Variants in ZNF423 observed in about 807,000 individuals in gnomAD.
ZNF423 encodes the protein zinc finger protein 423.
A neutral mutation model predicts 95.8 loss-of-function variants in ZNF423; 12 were observed. That is an observed-to-expected ratio of 0.13 (90% confidence interval 0.08 to 0.20). The LOEUF (loss-of-function observed/expected upper bound fraction) is 0.20. Among genes scored for constraint, ZNF423 ranks in the 10% least tolerant of loss-of-function variants. The pLI is 1.00. For synonymous variants in ZNF423, 749 were observed against 711.9 expected, an observed-to-expected ratio of 1.05 and a Z score of -0.83; for missense variants, 1,316 against 1,737.1, an observed-to-expected ratio of 0.76 and a Z score of 4.31.
At chr16:49,808,613 G>A (rs1039031649) in intron 1 of ZNF423, among the ~76,000 whole-genome samples, 2 of 152,138 alleles carry the variant, frequency 1.3e-5, no homozygotes, top group African/African-American at 2.4e-5. Context: ...CTGGAGTTCA[G>A]CAAGGGCTGA....
intron 5 of ZNF423, among the ~76,000 whole-genome samples, chr16:49,609,164 A>T (rs1971636046): frequency 6.6e-6 from 1 of 152,130 alleles, no homozygotes; most frequent in African/African-American, 2.4e-5. Context: ...CCTAGGGAGG[A>T]AACGAGCCTG....
chr16:49,566,418 C>T (rs557987468), intron 5 of ZNF423, among the ~76,000 whole-genome samples: 2 of 152,320 alleles, frequency 1.3e-5, no homozygotes, highest in Admixed American at 1.3e-4. Context: ...CCTAGACTCT[C>T]ACCCCACCTG....
At chr16:49,730,592 C>A in intron 3 of ZNF423, 179 bp downstream of exon 3, 1 of 689,510 alleles carries the variant, frequency 1.5e-6, no homozygotes, top group South Asian at 1.9e-5. Context: ...AAAGCTGTTG[C>A]TTTTATTTTT....
chr16:49,541,442 G>A (rs1334031447), intron 5 of ZNF423, among the ~76,000 whole-genome samples: 1 of 152,222 alleles, frequency 6.6e-6, no homozygotes, highest in Non-Finnish European at 1.5e-5. Context: ...AGAAAAGTGA[G>A]GGAAAGAAGG....
chr16:49,676,070 C>T (rs953195193), intron 3 of ZNF423, among the ~76,000 whole-genome samples: 3 of 152,186 alleles, frequency 2.0e-5, no homozygotes, highest in Non-Finnish European at 2.9e-5. Flanking sequence ...AGAACATCAG[C>T]CATGGTTAGT....
chr16:49,638,398 C>T lies in ZNF423; in HGVS notation c.778G>A (p.Ala260Thr), dbSNP rs147749408. 3.1e-6 allele frequency: 5 copies of T among 1,613,840 alleles called. No homozygotes were observed. Among genetic ancestry groups the T allele is most frequent in the Non-Finnish European group, 4.2e-6 (5 of 1,180,048 alleles). Reference protein sequence around the residue: ...QAHKKNKEHLAKSEKEAKKDD... With the variant: ...QAHKKNKEHLTKSEKEAKKDD... ...TTCTTGGCTTCCTTCTCCGACTTGG[C>T]CAGATGCTCCTTGTTCTTTTTGTGG... Residue 260 changes from alanine (A) to threonine (T), a missense_variant, in exon 4 of 8, where the codon GCC (alanine) becomes ACC (threonine). Physicochemically the swap from Ala to Thr is moderately conservative, Grantham distance 58. Coordinates refer to ENST00000563137, the MANE Select transcript of ZNF423 (RefSeq NM_001379286.1). This position sits in a 1 kb window ranked among gnomAD's most constrained non-coding sequence, Gnocchi z 5.6.
At chr16:49,558,650 C>CCA (rs1426654144) in intron 5 of ZNF423, among the ~76,000 whole-genome samples, 3 of 152,070 alleles carry the variant, frequency 2.0e-5, no homozygotes, top group Non-Finnish European at 2.9e-5. Flanking sequence ...CCACACACAC[C>CCA]CACACACACG....
intron 3 of ZNF423, among the ~76,000 whole-genome samples, 199 bp from the exon 4 acceptor site, chr16:49,639,073 G>A (rs371956058): frequency 6.6e-6 from 1 of 152,330 alleles, no homozygotes; most frequent in Non-Finnish European, 1.5e-5. Context: ...CCAGAGGGGC[G>A]GCAGATAATG....
chr16:49,798,480 T>G (rs1368722602), intron 1 of ZNF423, among the ~76,000 whole-genome samples: 1 of 148,468 alleles, frequency 6.7e-6, no homozygotes, highest in Non-Finnish European at 1.5e-5. Flanking sequence ...TGCACTCCAG[T>G]CTGGGTGACA....
In ZNF423 at chr16:49,504,902, A is replaced by G. The variant is rs1459079588; in HGVS notation, c.3850-13598T>C. On this transcript the variant is annotated intron_variant, in intron 7 of 7. Coordinates refer to ENST00000563137, the MANE Select transcript of ZNF423 (RefSeq NM_001379286.1). ...AACTGGGAGCTCTTTCCCCTATGGA[A>G]AGGCCTCACCTGCAGTCATAGGCCA... Among the ~76,000 whole-genome samples the G allele has an allele frequency of 4.6e-5, 7 of 152,188 alleles. No homozygotes were observed. In the East Asian group the frequency reaches 1.4e-3, roughly 29 times the overall value.
intron 3 of ZNF423, among the ~76,000 whole-genome samples, chr16:49,726,245 T>C (rs1469946447): frequency 2.0e-5 from 3 of 152,098 alleles, no homozygotes; most frequent in Non-Finnish European, 2.9e-5. Flanking sequence ...AGCCTCTTAA[T>C]TCAGGCCAAA....
chr16:49,623,437 AG>A (rs1447773796), intron 5 of ZNF423, among the ~76,000 whole-genome samples: 3 of 152,266 alleles, frequency 2.0e-5, no homozygotes, highest in South Asian at 2.1e-4. Context: ...GCAAGGTAGA[AG>A]AGAGGAGGGA....
chr16:49,766,880 T>G (rs953139030), intron 2 of ZNF423, among the ~76,000 whole-genome samples: 25 of 152,312 alleles, frequency 1.6e-4, no homozygotes, highest in African/African-American at 6.0e-4. Context: ...GTACTAAGGT[T>G]AAAGTCCCAA....
intron 2 of ZNF423, among the ~76,000 whole-genome samples, chr16:49,747,213 T>C (rs1408560274): frequency 2.0e-5 from 3 of 152,056 alleles, no homozygotes; most frequent in African/African-American, 7.3e-5. Context: ...AGCAGATCGA[T>C]AGATAGATTG....
chr16:49,526,505 G>T lies in ZNF423; in HGVS notation c.3602-1011C>A, dbSNP rs117440639. 5.5e-3 allele frequency among the ~76,000 whole-genome samples: 830 copies of T among 152,256 alleles called. 3 individuals are homozygous for T. The highest frequency in any genetic ancestry group is 7.2e-3 in the Non-Finnish European group (491 of 68,016). ...CCTCACTCACAATCAAGCAGCAGCAGGTTCAAATTCTGGCTCCTCAGCCCC... is the reference window on the plus strand; with the variant it reads ...CCTCACTCACAATCAAGCAGCAGCATGTTCAAATTCTGGCTCCTCAGCCCC... On this transcript the variant is annotated intron_variant, in intron 5 of 7. Coordinates refer to ENST00000563137, the MANE Select transcript of ZNF423 (RefSeq NM_001379286.1).
intron 4 of ZNF423, among the ~76,000 whole-genome samples, chr16:49,631,509 C>T (rs775176084): frequency 6.6e-6 from 1 of 152,172 alleles, no homozygotes; most frequent in African/African-American, 2.4e-5. Flanking sequence ...AAGCACCTCC[C>T]CTGCCATAAG....
chr16:49,858,726 C>CT (rs1223919783), upstream of ZNF423, among the ~76,000 whole-genome samples: 1 of 143,718 alleles, frequency 7.0e-6, no homozygotes, highest in Non-Finnish European at 1.6e-5. This position sits in a 1 kb window ranked among gnomAD's most constrained non-coding sequence, Gnocchi z 4.3. Flanking sequence ...AGCCCCCCCC[C>CT]CCACGCCCCC....
intron 3 of ZNF423, among the ~76,000 whole-genome samples, chr16:49,663,138 C>T (rs983349738): frequency 3.3e-5 from 5 of 152,192 alleles, no homozygotes; most frequent in Non-Finnish European, 5.9e-5. Flanking sequence ...TCCACCCCAT[C>T]GCGCCATTCT....
At chr16:49,526,947 G>T (rs1024159716) in intron 5 of ZNF423, among the ~76,000 whole-genome samples, 1 of 152,224 alleles carries the variant, frequency 6.6e-6, no homozygotes, top group Non-Finnish European at 1.5e-5. Flanking sequence ...GGCTCCCCCA[G>T]GGAACCAGCC....
Sources: allele counts gnomAD v4.1 joint callset (sites outside exome capture counted in the v4.1 genomes callset), GRCh38; gene constraint gnomAD v4.1.1; non-coding constraint Gnocchi (gnomAD v3.1); transcripts MANE v1.5; gene names NCBI Gene and HGNC (gene_info 2026-07-23, HGNC 2026-07-21).